The following KIAA0825 variants were observed in gnomAD, a reference collection of about 807,000 sequenced individuals.
KIAA0825 encodes uncharacterized protein KIAA0825.
In KIAA0825, 119 loss-of-function variants were observed where a neutral mutation model predicts 147.6. The observed-to-expected ratio is 0.81, with a 90% CI of 0.69 to 0.94. KIAA0825 has a LOEUF of 0.94. Ranked by LOEUF, KIAA0825 falls within the 40% of genes least tolerant of loss-of-function variation. KIAA0825 has a pLI of 0.00. For synonymous variants in KIAA0825, 470 were observed against 518.1 expected (o/e 0.91, Z 1.26); for missense variants, 1,381 against 1,472.7 (o/e 0.94, Z 1.02).
rs551354063 is a variant in KIAA0825 at position 94,464,846 on chromosome 5, A to G, written c.2063+23T>C. ...TAATGAAAAGTTTTCTTGAAAAGCA[A>G]TGTTTTTCAGAACTTCAATTACCTT... On this transcript the variant is annotated intron_variant, in intron 11 of 20. Coordinates refer to ENST00000682413, the MANE Select transcript of KIAA0825 (RefSeq NM_001145678.3). The G allele has an allele frequency of 1.6e-5, 25 of 1,533,138 alleles. No homozygotes were observed. The East Asian group carries it at 2.0e-4, about 12-fold the overall frequency. 95.0% of individuals were successfully genotyped at this position (1,533,138 alleles called of 1,614,324 possible). A position where few individuals can be genotyped will look rare whatever the true frequency, so the allele number is the denominator to read the frequency against.
chr5:94,170,714 T>G (rs1261132627), intron 20 of KIAA0825, among the ~76,000 whole-genome samples: 3 of 152,106 alleles, frequency 2.0e-5, no homozygotes, highest in Admixed American at 1.3e-4. Context: ...TACAAAACAC[T>G]ACAATGTTGG....
intron 15 of KIAA0825, among the ~76,000 whole-genome samples, chr5:94,410,446 T>A (rs972464516): frequency 1.3e-5 from 2 of 151,766 alleles, no homozygotes; most frequent in African/African-American, 4.8e-5. Flanking sequence ...GGCTGAAAAG[T>A]TTTCAAATTT....
intron 20 of KIAA0825, among the ~76,000 whole-genome samples, chr5:94,383,341 C>T (rs1336418263): frequency 6.6e-6 from 1 of 152,154 alleles, no homozygotes; most frequent in East Asian, 1.9e-4. Flanking sequence ...TCTATAACTT[C>T]CTTCTGAGAA....
At chr5:94,373,007 G>C (rs1282941673) in intron 20 of KIAA0825, among the ~76,000 whole-genome samples, 1 of 152,170 alleles carries the variant, frequency 6.6e-6, no homozygotes, top group Non-Finnish European at 1.5e-5. Flanking sequence ...CAAGAGTCCA[G>C]TTTGCTCCAG....
At chr5:94,599,060 T>C (rs939942057) in intron 1 of KIAA0825, among the ~76,000 whole-genome samples, 2 of 152,172 alleles carry the variant, frequency 1.3e-5, no homozygotes, top group African/African-American at 4.8e-5. Context: ...AATACTGTTT[T>C]CTATCATGAT....
intron 20 of KIAA0825, among the ~76,000 whole-genome samples, chr5:94,175,916 A>G (rs1371155340): frequency 6.6e-6 from 1 of 152,190 alleles, no homozygotes; most frequent in Admixed American, 6.5e-5. Flanking sequence ...ATTTATAAGC[A>G]GTTGACATTC....
At chr5:94,259,200 A>G (rs1459042995) in intron 20 of KIAA0825, among the ~76,000 whole-genome samples, 1 of 152,052 alleles carries the variant, frequency 6.6e-6, no homozygotes, top group African/African-American at 2.4e-5. Flanking sequence ...TTGTGTGCCA[A>G]CTTATTTAAA....
intron 1 of KIAA0825, among the ~76,000 whole-genome samples, chr5:94,588,530 G>A (rs750369894): frequency 7.2e-5 from 11 of 152,124 alleles, no homozygotes; most frequent in South Asian, 2.1e-4. Context: ...TTAAAAAGTC[G>A]GGAAACAACA....
At chr5:94,205,288 TATATATATATA>T (rs1772068181) in intron 20 of KIAA0825, among the ~76,000 whole-genome samples, 2 of 141,700 alleles carry the variant, frequency 1.4e-5, no homozygotes, top group African/African-American at 5.3e-5. Flanking sequence ...TATATATATA[TATATATATATA>T]TTTTGTTTTG....
At chr5:94,178,355 A>G (rs916656858) in intron 20 of KIAA0825, among the ~76,000 whole-genome samples, 2 of 151,886 alleles carry the variant, frequency 1.3e-5, no homozygotes, top group Non-Finnish European at 1.5e-5. Context: ...TAAGGAGGAG[A>G]TTGGGAATTC....
At chr5:94,209,160 C>T (rs1361649239) in intron 20 of KIAA0825, among the ~76,000 whole-genome samples, 2 of 152,152 alleles carry the variant, frequency 1.3e-5, no homozygotes, top group African/African-American at 4.8e-5. Context: ...AGTGAAAATT[C>T]GGTCAGTTTC....
chr5:94,299,237 G>T (rs138639957), intron 20 of KIAA0825, among the ~76,000 whole-genome samples: 2 of 151,748 alleles, frequency 1.3e-5, no homozygotes, highest in South Asian at 2.1e-4. Context: ...TTTTTTTAGC[G>T]ACAGAATCTT....
At chr5:94,192,083 ACT>A (rs1332341032) in intron 20 of KIAA0825, among the ~76,000 whole-genome samples, 10 of 152,202 alleles carry the variant, frequency 6.6e-5, no homozygotes, top group African/African-American at 2.2e-4. Flanking sequence ...AGGCGTTCTA[ACT>A]CTATGCAACT....
At chr5:94,378,434 CTTA>C (rs1374524254) in intron 20 of KIAA0825, among the ~76,000 whole-genome samples, 1 of 152,178 alleles carries the variant, frequency 6.6e-6, no homozygotes, top group Non-Finnish European at 1.5e-5. Context: ...AAGACATGAT[CTTA>C]TTCTTTTTTA....
chr5:94,440,661 C>T (rs902225368), intron 13 of KIAA0825, among the ~76,000 whole-genome samples: 1 of 152,036 alleles, frequency 6.6e-6, no homozygotes, highest in African/African-American at 2.4e-5. Flanking sequence ...AGAACTGCTG[C>T]TATTAAACTG....
At chr5:94,461,401 G>A (rs183349026) in intron 12 of KIAA0825, among the ~76,000 whole-genome samples, 63 of 151,912 alleles carry the variant, frequency 4.1e-4, no homozygotes, top group Non-Finnish European at 1.5e-5. Flanking sequence ...TTTATTATGG[G>A]CTTCAGACTT....
intron 1 of KIAA0825, among the ~76,000 whole-genome samples, chr5:94,613,014 ATCATTATATGT>A (rs1360066962): frequency 6.6e-6 from 1 of 152,344 alleles, no homozygotes; most frequent in African/African-American, 2.4e-5. Context: ...CTTCAAGGCT[ATCATTATATGT>A]TCATGAGTTT....
At chr5:94,609,967 C>T (rs939010665) in intron 1 of KIAA0825, among the ~76,000 whole-genome samples, 1 of 151,918 alleles carries the variant, frequency 6.6e-6, no homozygotes, top group African/African-American at 2.4e-5. Flanking sequence ...TGAGCATTTC[C>T]GATGGCTAGC....
chr5:94,152,845 AAAAAAAAAAATTATAT>A lies in KIAA0825; in HGVS notation c.*1146_*1161del, dbSNP rs1562283961. 1.6e-3 allele frequency: 57 copies of A among 35,402 alleles called. 2 individuals carry two copies. The highest frequency in any genetic ancestry group is 2.4e-3 in the Non-Finnish European group (43 of 17,902). The allele number at this position is 35,402 out of a possible 1,614,324, so 2.2% of individuals were successfully genotyped here. On this transcript the variant is annotated 3_prime_UTR_variant, in exon 21 of 21. Transcript: ENST00000682413. ...TGAAAAAAAAAAAAAAAAAAAAAAA[AAAAAAAAAAATTATAT>A]ATATATATATATATATATATATATA...
Sources: allele counts gnomAD v4.1 joint callset (sites outside exome capture counted in the v4.1 genomes callset), GRCh38; gene constraint gnomAD v4.1.1; transcripts MANE v1.5; gene names NCBI Gene and HGNC (gene_info 2026-07-23, HGNC 2026-07-21).